NBPF3: variants seen among roughly 807,000 people sequenced by gnomAD.
NBPF3 encodes NBPF family member NBPF3.
NBPF3 carries 57 observed loss-of-function variants against 78.1 expected under a neutral mutation model. The observed-to-expected ratio is 0.73, with a 90% CI of 0.59 to 0.91. The LOEUF is 0.91. NBPF3 is among the 40% of genes least tolerant of loss of function. The pLI, the probability that NBPF3 is intolerant of heterozygous loss-of-function variation, is 0.00. For missense variants in NBPF3, 510 were observed against 715.3 expected (o/e 0.71, Z 3.27); for synonymous variants, 182 against 271.7 (o/e 0.67, Z 3.25).
At chr1:21,439,937 G>A (rs1156703339), upstream of NBPF3, among the ~76,000 whole-genome samples, 1 of 152,190 alleles carries the variant, frequency 6.6e-6, no homozygotes, top group Non-Finnish European at 1.5e-5. Context: ...GGGATTCCCC[G>A]TCCCAGCTGC....
chr1:21,443,090 TTATGAAATTAGTGTGGGTC>T (rs1207013085), intron 1 of NBPF3, among the ~76,000 whole-genome samples: 2 of 152,206 alleles, frequency 1.3e-5, no homozygotes, highest in East Asian at 3.8e-4. Flanking sequence ...GTCATCTGAT[TTATGAAATTAGTGTGGGTC>T]TGTTTCTGTT....
intron 5 of NBPF3, 57 bp from the exon 6 acceptor site, chr1:21,472,786 C>A: frequency 8.2e-7 from 1 of 1,225,368 alleles, no homozygotes; most frequent in Non-Finnish European, 1.2e-6. Context: ...ATTCGGCTGA[C>A]TGTGCTTGCA....
intron 2 of NBPF3, among the ~76,000 whole-genome samples, chr1:21,446,676 A>G (rs938045895): frequency 1.3e-5 from 2 of 150,894 alleles, no homozygotes; most frequent in African/African-American, 4.9e-5. Context: ...TGAAGAGATC[A>G]CACTGTACTG....
Position 21,481,788 on chromosome 1 carries a change from G to A in NBPF3, c.1606+19G>A, listed in dbSNP as rs2261579. The A allele has an allele frequency of 0.21, 116,633 of 558,020 alleles. 47,046 individuals are homozygous for A. Among genetic ancestry groups the A allele is most frequent in the South Asian group, 0.68 (22,497 of 33,178 alleles). The allele number at this position is 558,020 out of a possible 1,614,324, so 34.6% of individuals were successfully genotyped here. On this transcript the variant is annotated intron_variant, in intron 13 of 14. Coordinates refer to ENST00000318249, the MANE Select transcript of NBPF3 (RefSeq NM_032264.6). ...GTGGATGGTGAGTACCTTTCTATGA[G>A]GGTGATAAGGATCCACTGAGTTTTC... is the stretch of plus-strand genomic sequence containing the variant.
At chr1:21,438,089 G>A (rs1251074464), upstream of NBPF3, among the ~76,000 whole-genome samples, 1 of 151,658 alleles carries the variant, frequency 6.6e-6, no homozygotes, top group African/African-American at 2.4e-5. Context: ...TAAAGTGCTG[G>A]GATTACAGGC....
chr1:21,473,214 C>T (rs528776506), intron 6 of NBPF3, among the ~76,000 whole-genome samples, 166 bp from the exon 7 acceptor site: 1 of 152,334 alleles, frequency 6.6e-6, no homozygotes, highest in South Asian at 2.1e-4. Flanking sequence ...CTGCCATGCT[C>T]TGTTGCAGAG....
At chr1:21,477,096 G>A (rs1182879158) in intron 8 of NBPF3, among the ~76,000 whole-genome samples, 1 of 152,076 alleles carries the variant, frequency 6.6e-6, no homozygotes, top group African/African-American at 2.4e-5. Flanking sequence ...CATGTGTCAC[G>A]TAGTTCTCGT....
chr1:21,471,852 T>G (rs1192514311), intron 5 of NBPF3, 69 bp downstream of exon 5: 51 of 1,574,438 alleles, frequency 3.2e-5, no homozygotes, highest in Non-Finnish European at 4.4e-5. Context: ...CTCCATACTT[T>G]CACAATGACA....
chr1:21,440,560 G>A (rs1343117949), intron 1 of NBPF3, among the ~76,000 whole-genome samples: 1 of 152,184 alleles, frequency 6.6e-6, no homozygotes, highest in African/African-American at 2.4e-5. Context: ...TCTCGTGGGC[G>A]CTGGGGAAGA....
intron 7 of NBPF3, among the ~76,000 whole-genome samples, chr1:21,474,273 G>C (rs1642772437): frequency 6.9e-6 from 1 of 144,814 alleles, no homozygotes; most frequent in Non-Finnish European, 1.5e-5. Flanking sequence ...GCTCCATTTT[G>C]GCTTGCTGCA....
At chr1:21,458,951 T>C (rs929957566) in intron 2 of NBPF3, among the ~76,000 whole-genome samples, 8 of 152,204 alleles carry the variant, frequency 5.3e-5, no homozygotes, top group African/African-American at 1.9e-4. Context: ...AATTTCTCCA[T>C]ACTAGCAATT....
upstream of NBPF3, chr1:21,436,820 G>T: frequency 9.4e-7 from 1 of 1,062,932 alleles, no homozygotes; most frequent in Non-Finnish European, 1.2e-6. This position sits in a 1 kb window ranked among gnomAD's most constrained non-coding sequence, Gnocchi z 4.3. Flanking sequence ...GTAGGAAGGG[G>T]CTTGAGCGTT....
At chr1:21,439,579 AG>A (rs1640510689), upstream of NBPF3, among the ~76,000 whole-genome samples, 1 of 152,216 alleles carries the variant, frequency 6.6e-6, no homozygotes, top group South Asian at 2.1e-4. Context: ...GATTGCCTAC[AG>A]GGTGAGACTG....
chr1:21,479,991 C>T, intron 10 of NBPF3, 60 bp from the exon 11 acceptor site: 5 of 843,878 alleles, frequency 5.9e-6, no homozygotes, highest in Non-Finnish European at 1.0e-5. Flanking sequence ...TGAAATCTAG[C>T]TGGGGCTGTG....
chr1:21,437,594 A>G, upstream of NBPF3: 1 of 659,716 alleles, frequency 1.5e-6, no homozygotes, highest in Non-Finnish European at 2.4e-6. Flanking sequence ...GCATAACACC[A>G]GTCGAGCCTT....
At position 21,445,123 on chromosome 1, in the gene NBPF3, A is replaced by G; in HGVS notation, c.37A>G (p.Thr13Ala). 5.0e-6 allele frequency: 8 copies of G among 1,611,588 alleles called. No individual in the cohort carries two copies. Among genetic ancestry groups the G allele is most frequent in the Non-Finnish European group, 6.8e-6 (8 of 1,179,702 alleles). The change falls in exon 2 of 15, where the codon ACT (threonine) becomes GCT (alanine). Residue 13 changes from threonine (T) to alanine (A), a missense_variant. Transcript: ENST00000318249. ...TCCCACTGTCCAGGGCTTCCAGTGG[A>G]CTCTCCGAGGCCCTGATGTAGAAAC... ...LTPTVQGFQW[T>A]LRGPDVETSP...
At chr1:21,471,448 T>G (rs1334160022) in intron 4 of NBPF3, 121 bp from the exon 5 acceptor site, 2 of 1,485,556 alleles carry the variant, frequency 1.3e-6, no homozygotes, top group Non-Finnish European at 1.9e-6. Flanking sequence ...TTTAAACATG[T>G]GCTGACCTTC....
chr1:21,475,295 C>T (rs1642834239), intron 8 of NBPF3, among the ~76,000 whole-genome samples: 1 of 152,088 alleles, frequency 6.6e-6, no homozygotes, highest in African/African-American at 2.4e-5. Context: ...TATTTCTTGC[C>T]TTCTGCTAGC....
intron 1 of NBPF3, among the ~76,000 whole-genome samples, chr1:21,444,566 A>AT (rs1174613391): frequency 5.9e-5 from 9 of 151,560 alleles, no homozygotes; most frequent in Non-Finnish European, 1.2e-4. Context: ...TCAGGACTCT[A>AT]TTTTTTTTCC....
Sources: gnomAD v4.1 joint callset for allele counts (sites outside exome capture counted in the v4.1 genomes callset) on GRCh38, gnomAD v4.1.1 for gene constraint, Gnocchi (gnomAD v3.1) non-coding constraint, MANE v1.5 for transcripts, NCBI Gene and HGNC (gene_info 2026-07-23, HGNC 2026-07-21) for gene names.